SMAP1: variants seen among roughly 807,000 people sequenced by gnomAD.
SMAP1 encodes the protein stromal membrane-associated protein 1.
Under a neutral mutation model 58.5 loss-of-function variants are expected in SMAP1, and 24 were observed. The observed-to-expected ratio is 0.41, with a 90% confidence interval of 0.30 to 0.58. The LOEUF (loss-of-function observed/expected upper bound fraction) is 0.58, where lower values mean the gene tolerates loss of function less well. Ranked by LOEUF, SMAP1 falls within the 20% of genes least tolerant of loss-of-function variation. SMAP1 has a pLI of 0.29. For missense variants in SMAP1, 563 were observed against 566.3 expected (o/e 0.99, Z 0.06); for synonymous variants, 216 against 196.6 (o/e 1.10, Z -0.82).
In SMAP1 at chr6:70,667,925, C is replaced by T; in HGVS notation, c.-99C>T. Reference sequence around the variant, plus strand: ...GCTGCCGCTTCCTGGGCTGAGTCCGCCCGCGGTCCCGGCGGCGCCAGGTGC... The same window carrying T: ...GCTGCCGCTTCCTGGGCTGAGTCCGTCCGCGGTCCCGGCGGCGCCAGGTGC... On this transcript the variant is annotated 5_prime_UTR_variant, in exon 1 of 11. Coordinates refer to ENST00000370455, the MANE Select transcript of SMAP1 (RefSeq NM_001044305.3). 1 of 1,038,614 alleles carries T rather than the reference C, an allele frequency of 9.6e-7. No individual in the cohort carries two copies. Among genetic ancestry groups the T allele is most frequent in the Non-Finnish European group, 1.4e-6 (1 of 730,252 alleles). 64.3% of individuals were successfully genotyped at this position (1,038,614 alleles called of 1,614,324 possible). A position where few individuals can be genotyped will look rare whatever the true frequency, so the allele number is the denominator to read the frequency against.
intron 5 of SMAP1, among the ~76,000 whole-genome samples, chr6:70,796,644 G>A (rs967581871): frequency 6.6e-6 from 1 of 152,154 alleles, no homozygotes; most frequent in African/African-American, 2.4e-5. Context: ...ATAAAGCCCA[G>A]GCACTTGAGT....
chr6:70,813,913 GT>G (rs1432530487), intron 6 of SMAP1, among the ~76,000 whole-genome samples: 2 of 152,140 alleles, frequency 1.3e-5, no homozygotes, highest in Non-Finnish European at 2.9e-5. Context: ...ATTTTAATGA[GT>G]TGAAAATCAT....
chr6:70,835,653 T>G (rs1770550866), intron 6 of SMAP1, among the ~76,000 whole-genome samples: 1 of 152,080 alleles, frequency 6.6e-6, no homozygotes, highest in Non-Finnish European at 1.5e-5. Flanking sequence ...ACTACAGGTG[T>G]GCACCACCAC....
chr6:70,729,135 T>C (rs1301301004), intron 1 of SMAP1, among the ~76,000 whole-genome samples: 2 of 152,056 alleles, frequency 1.3e-5, no homozygotes. Context: ...ATACTGCAAC[T>C]CTCATCTTAA....
chr6:70,793,784 C>T (rs551808553), intron 5 of SMAP1, among the ~76,000 whole-genome samples: 17 of 151,968 alleles, frequency 1.1e-4, no homozygotes, highest in Admixed American at 2.0e-4. Flanking sequence ...TGCAGTGGCG[C>T]GATCTCGGCT....
chr6:70,722,196 G>T (rs867245781), intron 1 of SMAP1, among the ~76,000 whole-genome samples: 2 of 152,300 alleles, frequency 1.3e-5, no homozygotes, highest in Middle Eastern at 6.8e-3. Flanking sequence ...TAAAGAGGTT[G>T]CCTTCTGAGA....
At chr6:70,781,387 A>G (rs755257721) in intron 4 of SMAP1, among the ~76,000 whole-genome samples, 1 of 152,146 alleles carries the variant, frequency 6.6e-6, no homozygotes, top group Non-Finnish European at 1.5e-5. Flanking sequence ...GTAAATGTTT[A>G]CGTTTTCAGC....
At chr6:70,811,445 TAGAAGA>T (rs1454458194) in intron 6 of SMAP1, among the ~76,000 whole-genome samples, 1 of 152,070 alleles carries the variant, frequency 6.6e-6, no homozygotes, top group Non-Finnish European at 1.5e-5. Context: ...TGGGTCTCGA[TAGAAGA>T]ATGAAAACCT....
intron 4 of SMAP1, among the ~76,000 whole-genome samples, chr6:70,783,848 G>A (rs964722421): frequency 2.6e-5 from 4 of 152,192 alleles, no homozygotes; most frequent in Admixed American, 2.0e-4. Context: ...AAAGTGACGG[G>A]GAGAATGGAA....
At chr6:70,753,675 T>A (rs1766370639) in intron 2 of SMAP1, among the ~76,000 whole-genome samples, 1 of 152,158 alleles carries the variant, frequency 6.6e-6, no homozygotes, top group African/African-American at 2.4e-5. Flanking sequence ...CCCTCTGACT[T>A]TATACTGTTT....
intron 6 of SMAP1, among the ~76,000 whole-genome samples, chr6:70,820,040 A>T (rs1047431795): frequency 6.6e-6 from 1 of 152,144 alleles, no homozygotes; most frequent in Non-Finnish European, 1.5e-5. Flanking sequence ...CTCGGTTCTG[A>T]GCCTGACTAA....
intron 6 of SMAP1, among the ~76,000 whole-genome samples, chr6:70,807,654 C>T (rs1769194089): frequency 6.6e-6 from 1 of 152,118 alleles, no homozygotes; most frequent in Non-Finnish European, 1.5e-5. Flanking sequence ...TAGGTTTTCT[C>T]AAAGGTTTAC....
At chr6:70,796,389 G>A (rs1196786071) in intron 5 of SMAP1, among the ~76,000 whole-genome samples, 1 of 152,134 alleles carries the variant, frequency 6.6e-6, no homozygotes, top group Admixed American at 6.5e-5. Context: ...GTGTTGCTTT[G>A]GGCATTACTT....
chr6:70,688,742 T>C (rs934302139), intron 1 of SMAP1, among the ~76,000 whole-genome samples: 1 of 152,232 alleles, frequency 6.6e-6, no homozygotes, highest in Non-Finnish European at 1.5e-5. Flanking sequence ...TAACTTTACA[T>C]CCTCTTCACA....
chr6:70,680,234 G>C (rs1325792963), intron 1 of SMAP1, among the ~76,000 whole-genome samples: 1 of 152,108 alleles, frequency 6.6e-6, no homozygotes, highest in Non-Finnish European at 1.5e-5. Context: ...CTATAAAACT[G>C]CTAGAAGAAA....
At chr6:70,735,254 G>A (rs1310966709) in intron 2 of SMAP1, among the ~76,000 whole-genome samples, 1 of 152,136 alleles carries the variant, frequency 6.6e-6, no homozygotes, top group Non-Finnish European at 1.5e-5. Context: ...GAGCATTTCT[G>A]TCACACTAGA....
At chr6:70,765,748 T>C (rs531225415) in intron 3 of SMAP1, among the ~76,000 whole-genome samples, 22 of 152,152 alleles carry the variant, frequency 1.4e-4, no homozygotes, top group African/African-American at 5.3e-4. Context: ...TTTATTTTTA[T>C]TTTATTATTA....
At chr6:70,732,787 A>G (rs560700507) in intron 2 of SMAP1, among the ~76,000 whole-genome samples, 64 of 152,310 alleles carry the variant, frequency 4.2e-4, no homozygotes, top group Admixed American at 8.5e-4. Flanking sequence ...ATTTGCCAGT[A>G]TAATTCCATA....
chr6:70,768,714 T>C (rs554733857), intron 3 of SMAP1, among the ~76,000 whole-genome samples: 169 of 151,428 alleles, frequency 1.1e-3, no homozygotes, highest in African/African-American at 3.9e-3. Context: ...CCTGGATTCA[T>C]TGATTTTTTG....
Sources: gnomAD v4.1 joint callset for allele counts (sites outside exome capture counted in the v4.1 genomes callset) on GRCh38, gnomAD v4.1.1 for gene constraint, MANE v1.5 for transcripts, NCBI Gene and HGNC (gene_info 2026-07-23, HGNC 2026-07-21) for gene names.